The following BCAS3 variants were observed in gnomAD, a reference collection of about 807,000 sequenced individuals.
BCAS3 encodes BCAS3 microtubule associated cell migration factor.
In BCAS3, 53 loss-of-function variants were observed where a neutral mutation model predicts 116.1. The observed-to-expected ratio is 0.46, with a 90% CI of 0.37 to 0.57. The LOEUF is 0.57. Ranked by LOEUF, BCAS3 falls within the 20% of genes least tolerant of loss-of-function variation. The pLI, the probability that BCAS3 is intolerant of heterozygous loss-of-function variation, is 0.00. For synonymous variants in BCAS3, 391 were observed against 408.2 expected, an observed-to-expected ratio of 0.96 and a Z score of 0.51; for missense variants, 917 against 1,165.4, an observed-to-expected ratio of 0.79 and a Z score of 3.10.
rs115794749 is a variant in BCAS3, at chr17:61,332,600, C to A, written c.2426-35727C>A. On this transcript the variant is annotated intron_variant, in intron 22 of 23. Transcript: ENST00000407086. The surrounding 1 kb of genome is among the most constrained non-coding windows in gnomAD (Gnocchi z 5.4). ...TACCCTGTGACATAGGAATTATTAT[C>A]CCCATCTTTTATTATTATTTTTTTT... is the stretch of plus-strand genomic sequence containing the variant. 2.1e-3 allele frequency among the ~76,000 whole-genome samples: 327 copies of A among 152,222 alleles called. No homozygotes were observed. The highest frequency in any genetic ancestry group is 7.7e-3 in the African/African-American group (318 of 41,526).
chr17:61,345,850 A>G (rs1375858962), intron 22 of BCAS3, among the ~76,000 whole-genome samples: 1 of 152,178 alleles, frequency 6.6e-6, no homozygotes, highest in Non-Finnish European at 1.5e-5. Context: ...GCCAAACAGC[A>G]TGATTAGAAT....
In BCAS3 at chr17:61,261,259, A is replaced by G. The variant is rs996709397; in HGVS notation, c.2426-107068A>G. Reference sequence around the variant, plus strand: ...GCAGTTATTAAACACTGATTCAAGAATATGTTTAGAGGAGCTGCGACCCAG... The same window carrying G: ...GCAGTTATTAAACACTGATTCAAGAGTATGTTTAGAGGAGCTGCGACCCAG... On this transcript the variant is annotated intron_variant, in intron 22 of 23. Coordinates refer to ENST00000407086, the MANE Select transcript of BCAS3 (RefSeq NM_017679.5). The surrounding 1 kb of genome is among the most constrained non-coding windows in gnomAD (Gnocchi z 4.4). 1.3e-5 allele frequency among the ~76,000 whole-genome samples: 2 copies of G among 152,190 alleles called. No individual in the cohort carries two copies. Among genetic ancestry groups the G allele is most frequent in the Non-Finnish European group, 2.9e-5 (2 of 68,038 alleles).
chr17:60,826,609 T>C (rs1307438026), intron 7 of BCAS3, among the ~76,000 whole-genome samples: 3 of 152,200 alleles, frequency 2.0e-5, no homozygotes, highest in Non-Finnish European at 2.9e-5. Flanking sequence ...AGAATAAAAA[T>C]TGGCCACATA....
At chr17:61,170,833 C>T (rs1374893673) in intron 22 of BCAS3, among the ~76,000 whole-genome samples, 1 of 152,064 alleles carries the variant, frequency 6.6e-6, no homozygotes, top group Non-Finnish European at 1.5e-5. Context: ...GAGGAAAGAG[C>T]TGTACACGGA....
chr17:61,078,827 AT>A (rs1292566663), intron 21 of BCAS3, among the ~76,000 whole-genome samples: 8 of 152,288 alleles, frequency 5.3e-5, no homozygotes, highest in Admixed American at 1.3e-4. Flanking sequence ...AACTGCTTGA[AT>A]CTGATTATGT....
In BCAS3 at chr17:60,967,317, A is replaced by G. The variant is rs147984817; in HGVS notation, c.1221+19965A>G. On this transcript the variant is annotated intron_variant, in intron 14 of 23. Transcript: ENST00000407086. This position sits in a 1 kb window ranked among gnomAD's most constrained non-coding sequence, Gnocchi z 4.7. ...TTCAAGTATAATTTTGCTGAATGCA[A>G]TATTCTTGGATGGCAATGTTTTCTC... Among the ~76,000 whole-genome samples, 206 of 152,212 alleles carry G rather than the reference A, an allele frequency of 1.4e-3. No individual in the cohort carries two copies. Among genetic ancestry groups the G allele is most frequent in the African/African-American group, 4.8e-3 (201 of 41,526 alleles).
chr17:60,757,328 T>TAAAA (rs200544821), intron 6 of BCAS3, among the ~76,000 whole-genome samples: 6 of 19,018 alleles, frequency 3.2e-4, no homozygotes, highest in African/African-American at 3.5e-4. Context: ...AAAATAATAA[T>TAAAA]AATAAATAAA....
intron 22 of BCAS3, among the ~76,000 whole-genome samples, chr17:61,357,733 T>A (rs1311073765): frequency 6.8e-6 from 1 of 147,858 alleles, no homozygotes; most frequent in African/African-American, 2.5e-5. Flanking sequence ...TGAGCCACCA[T>A]GCCCGGCCAA....
intron 7 of BCAS3, among the ~76,000 whole-genome samples, chr17:60,858,480 A>G (rs2053869635): frequency 6.6e-6 from 1 of 151,650 alleles, no homozygotes; most frequent in African/African-American, 2.4e-5. Flanking sequence ...ATTGAGATTC[A>G]CTTTTGTTGT....
intron 7 of BCAS3, among the ~76,000 whole-genome samples, chr17:60,827,836 C>T (rs576990373): frequency 6.6e-6 from 1 of 152,154 alleles, no homozygotes; most frequent in Non-Finnish European, 1.5e-5. Flanking sequence ...TTGGGAAATA[C>T]TTTGCTGTCA....
chr17:60,694,180 C>T (rs1389103414), intron 4 of BCAS3, among the ~76,000 whole-genome samples: 1 of 149,324 alleles, frequency 6.7e-6, no homozygotes, highest in Non-Finnish European at 1.5e-5. Context: ...GCCACCGCGC[C>T]CGGCCAAACA....
In BCAS3 at chr17:61,141,694, A is replaced by G. The variant is rs1248600374; in HGVS notation, c.2425+57130A>G. Among the ~76,000 whole-genome samples, 1 of 152,086 alleles carries G rather than the reference A, an allele frequency of 6.6e-6. No individual in the cohort carries two copies. Among genetic ancestry groups the G allele is most frequent in the Non-Finnish European group, 1.5e-5 (1 of 68,014 alleles). On this transcript the variant is annotated intron_variant, in intron 22 of 23. Coordinates refer to ENST00000407086, the MANE Select transcript of BCAS3 (RefSeq NM_017679.5). The surrounding 1 kb of genome is among the most constrained non-coding windows in gnomAD (Gnocchi z 4.3). ...GAGGTGGGCGGATCACGAGGTCAAG[A>G]GATCAAGACCATCCCGGCCAACATG...
chr17:60,800,883 T>A (rs1389590596), intron 6 of BCAS3, among the ~76,000 whole-genome samples: 2 of 152,162 alleles, frequency 1.3e-5, no homozygotes, highest in Admixed American at 6.5e-5. Context: ...GCCATATTTG[T>A]GTGGTCTATT....
intron 6 of BCAS3, among the ~76,000 whole-genome samples, chr17:60,756,893 A>T (rs987110527): frequency 6.6e-6 from 1 of 152,180 alleles, no homozygotes. Flanking sequence ...AGCATGTAAG[A>T]GTTCCCTTCT....
intron 5 of BCAS3, among the ~76,000 whole-genome samples, chr17:60,724,430 A>G (rs2039601040): frequency 6.6e-6 from 1 of 150,954 alleles, no homozygotes; most frequent in Non-Finnish European, 1.5e-5. Flanking sequence ...CAAAAAAAAA[A>G]AAAAAAAAAA....
chr17:60,803,341 G>A (rs1345316823), intron 6 of BCAS3, among the ~76,000 whole-genome samples: 1 of 152,034 alleles, frequency 6.6e-6, no homozygotes, highest in African/African-American at 2.4e-5. Context: ...CTTTATTTTA[G>A]CTTCATCTCC....
chr17:60,838,895 C>A (rs1247484707), intron 7 of BCAS3, among the ~76,000 whole-genome samples: 3 of 152,176 alleles, frequency 2.0e-5, no homozygotes, highest in African/African-American at 7.2e-5. Context: ...TGGCACACTG[C>A]AGCCTCAAAC....
chr17:61,136,836 G>A lies in BCAS3; in HGVS notation c.2425+52272G>A, dbSNP rs983766503. On this transcript the variant is annotated intron_variant, in intron 22 of 23. Coordinates refer to ENST00000407086, the MANE Select transcript of BCAS3 (RefSeq NM_017679.5). This position sits in a 1 kb window ranked among gnomAD's most constrained non-coding sequence, Gnocchi z 4.4. ...GGCCTCCCAAAGTCCTGAGATTACA[G>A]GTGTGAGCCACTGTGCTCAGCCAAT... Among the ~76,000 whole-genome samples, 1 of 152,138 alleles carries A rather than the reference G, an allele frequency of 6.6e-6. No individual in the cohort carries two copies. The highest frequency in any genetic ancestry group is 2.4e-5 in the African/African-American group (1 of 41,430).
intron 20 of BCAS3, 114 bp downstream of exon 20, chr17:61,075,134 A>T (rs2071841996): frequency 5.2e-6 from 4 of 771,836 alleles, no homozygotes; most frequent in Non-Finnish European, 8.2e-6. Flanking sequence ...TTGGATTATC[A>T]AGAATTAGTT....
Sources: allele counts gnomAD v4.1 joint callset (sites outside exome capture counted in the v4.1 genomes callset), GRCh38; gene constraint gnomAD v4.1.1; non-coding constraint Gnocchi (gnomAD v3.1); transcripts MANE v1.5; gene names NCBI Gene and HGNC (gene_info 2026-07-23, HGNC 2026-07-21).